The following PRDM2 variants were observed in gnomAD, a reference collection of about 807,000 sequenced individuals.
The protein encoded by PRDM2 is PR domain zinc finger protein 2.
In PRDM2, 30 loss-of-function variants were observed where a neutral mutation model predicts 130.0. That is an observed-to-expected ratio of 0.23 (90% confidence interval 0.17 to 0.31). The LOEUF (loss-of-function observed/expected upper bound fraction) is 0.31, where lower values mean the gene tolerates loss of function less well. Among genes scored for constraint, PRDM2 ranks in the 10% least tolerant of loss-of-function variants. PRDM2 has a pLI of 1.00. For synonymous variants in PRDM2, 871 were observed against 782.4 expected (o/e 1.11, Z -1.89); for missense variants, 2,011 against 2,108.4 (o/e 0.95, Z 0.90).
chr1:13,772,552 T>G (rs1342653273), intron 6 of PRDM2, among the ~76,000 whole-genome samples: 2 of 152,228 alleles, frequency 1.3e-5, no homozygotes, highest in African/African-American at 4.8e-5. Flanking sequence ...CATTTGGTAT[T>G]TGAGCCATTG....
At chr1:13,799,006 G>T (rs187883360) in intron 8 of PRDM2, among the ~76,000 whole-genome samples, 1 of 152,298 alleles carries the variant, frequency 6.6e-6, no homozygotes, top group East Asian at 1.9e-4. Flanking sequence ...ACCGTGGTGA[G>T]TCAGAGCTGC....
At position 13,782,715 on chromosome 1, in the gene PRDM2, A is replaced by G. The variant is rs1464792146; in HGVS notation, c.4920A>G (p.Lys1640=). Residue 1640 remains lysine, a synonymous_variant, in exon 8 of 10, where the codon AAA becomes AAG. Transcript: ENST00000311066. ...SKKRTDRFNI[K]SRERSGGPVT... ...AAAGAACAGACCGGTTCAATATAAA[A>G]TCTAGAGAGCGGAGTGGGGGGCCAG... 1.9e-6 allele frequency: 3 copies of G among 1,613,938 alleles called. No homozygotes were observed. Among genetic ancestry groups the G allele is most frequent in the Admixed American group, 3.3e-5 (2 of 60,000 alleles).
At chr1:13,778,331 GAAAT>G in intron 7 of PRDM2, 83 bp from the exon 8 acceptor site, 9 of 1,347,658 alleles carry the variant, frequency 6.7e-6, no homozygotes, top group Non-Finnish European at 9.2e-6. Flanking sequence ...GGTGGTAAGA[GAAAT>G]AACTTGAATC....
rs1320664453 is a variant in PRDM2, at chr1:13,787,992, G to C, written c.5036+5161G>C. 4 of 985,144 alleles carry C rather than the reference G, an allele frequency of 4.1e-6. No individual in the cohort carries two copies. In the South Asian group the frequency reaches 1.9e-4, roughly 46 times the overall value. The allele number at this position is 985,144 out of a possible 1,614,324, so 61.0% of individuals were successfully genotyped here. On this transcript the variant is annotated intron_variant, in intron 8 of 9. Transcript: ENST00000311066. ...CAGATGTATTAAAAAAAGATTTGTTGTGCTATTGCTGCAAACACTTAATAA... is the reference window on the plus strand; with the variant it reads ...CAGATGTATTAAAAAAAGATTTGTTCTGCTATTGCTGCAAACACTTAATAA...
At chr1:13,772,721 T>C (rs1644385721) in intron 6 of PRDM2, among the ~76,000 whole-genome samples, 1 of 152,248 alleles carries the variant, frequency 6.6e-6, no homozygotes, top group South Asian at 2.1e-4. Flanking sequence ...ATTAGCTGTG[T>C]GGCATTGAAA....
intron 6 of PRDM2, among the ~76,000 whole-genome samples, chr1:13,757,122 A>T (rs1643975439): frequency 6.6e-6 from 1 of 152,246 alleles, no homozygotes; most frequent in Non-Finnish European, 1.5e-5. Context: ...TGATTAAGTG[A>T]AGTGTTTGGT....
intron 6 of PRDM2, among the ~76,000 whole-genome samples, chr1:13,758,354 C>T (rs1644011419): frequency 6.7e-6 from 1 of 148,570 alleles, no homozygotes; most frequent in South Asian, 2.1e-4. Flanking sequence ...GGCTGAGGCA[C>T]AAGAATCGCT....
intron 8 of PRDM2, among the ~76,000 whole-genome samples, chr1:13,796,571 C>T (rs1339241163): frequency 1.3e-5 from 2 of 152,040 alleles, no homozygotes; most frequent in Non-Finnish European, 2.9e-5. Flanking sequence ...GCCTGGGCAA[C>T]ATAGTGAGAC....
At chr1:13,819,918 G>A (rs1432768727) in intron 9 of PRDM2, among the ~76,000 whole-genome samples, 1 of 152,206 alleles carries the variant, frequency 6.6e-6, no homozygotes, top group East Asian at 1.9e-4. Flanking sequence ...TCACAGGGAG[G>A]GGTTAGGGCT....
chr1:13,764,122 T>A (rs950371211), intron 6 of PRDM2, among the ~76,000 whole-genome samples: 4 of 152,348 alleles, frequency 2.6e-5, no homozygotes, highest in Admixed American at 2.6e-4. Flanking sequence ...CATGATTTTC[T>A]TCTTAGCTGA....
chr1:13,796,402 G>A (rs1479232220), intron 8 of PRDM2, among the ~76,000 whole-genome samples: 8 of 152,190 alleles, frequency 5.3e-5, no homozygotes, highest in Non-Finnish European at 1.2e-4. Flanking sequence ...GACCTCCCTT[G>A]TAAGCAAAGT....
chr1:13,756,450 C>T (rs2100566080), intron 6 of PRDM2, among the ~76,000 whole-genome samples: 1 of 152,242 alleles, frequency 6.6e-6, no homozygotes, highest in East Asian at 1.9e-4. Flanking sequence ...CTGCCAAGTA[C>T]AGGCCTGAAG....
At chr1:13,734,706 A>G (rs1258596804) in intron 4 of PRDM2, among the ~76,000 whole-genome samples, 1 of 152,184 alleles carries the variant, frequency 6.6e-6, no homozygotes, top group African/African-American at 2.4e-5. Flanking sequence ...CAAATCTTTG[A>G]TAAGAATCCT....
rs1037853887 is a variant in PRDM2, at chr1:13,806,752, C to T, written c.5037-9675C>T. Among the ~76,000 whole-genome samples, 1 of 152,178 alleles carries T rather than the reference C, an allele frequency of 6.6e-6. No individual in the cohort carries two copies. The highest frequency in any genetic ancestry group is 2.4e-5 in the African/African-American group (1 of 41,436). On this transcript the variant is annotated intron_variant, in intron 8 of 9. Coordinates refer to ENST00000311066, the MANE Select transcript of PRDM2 (RefSeq NM_001393986.1). This position sits in a 1 kb window ranked among gnomAD's most constrained non-coding sequence, Gnocchi z 4.1. ...GTCAACCCACGGTCTGTGCCCAGCACAGCAGCCACTTTGGGTCATGATATT... is the reference window on the plus strand; with the variant it reads ...GTCAACCCACGGTCTGTGCCCAGCATAGCAGCCACTTTGGGTCATGATATT...
At chr1:13,787,420 AAATTAAT>A in intron 8 of PRDM2, 1 of 985,078 alleles carries the variant, frequency 1.0e-6, no homozygotes, top group Non-Finnish European at 1.2e-6. Context: ...GCCTCCCCCT[AAATTAAT>A]GACTGAGTTG....
rs569085063 is a variant in PRDM2 at position 13,804,409 on chromosome 1, C to T, written c.5037-12018C>T. Among the ~76,000 whole-genome samples the T allele has an allele frequency of 1.2e-4, 18 of 152,304 alleles. No homozygotes were observed. In the South Asian group the frequency reaches 1.9e-3, roughly 16 times the overall value. On this transcript the variant is annotated intron_variant, in intron 8 of 9. Transcript: ENST00000311066. ...AGCAGCTCCTCTCCAGGCTTCAGAA[C>T]GGGCCCCTGCTGGCCACTGCAGCCT...
At chr1:13,777,501 C>T (rs563570158) in intron 7 of PRDM2, among the ~76,000 whole-genome samples, 4 of 149,798 alleles carry the variant, frequency 2.7e-5, no homozygotes, top group African/African-American at 9.9e-5. Context: ...GTCTTACCTC[C>T]TGCCCTCACT....
Position 13,782,445 on chromosome 1 carries a change from C to T in PRDM2, c.4650C>T (p.Ser1550=). Residue 1550 remains serine (S), a synonymous_variant, in exon 8 of 10, where the codon TCC becomes TCT. Coordinates refer to ENST00000311066, the MANE Select transcript of PRDM2 (RefSeq NM_001393986.1). The stretch of plus-strand genomic sequence containing the variant: ...CCCAAGTCCCACTTCCCTCCTCATC[C>T]TTCAGGTCCAAGCAGAACGTCAAGT... The part of the protein sequence containing the change: ...GPTQVPLPSS[S]FRSKQNVKFA... 1 of 1,614,074 alleles carries T rather than the reference C, an allele frequency of 6.2e-7. No homozygotes were observed. Among genetic ancestry groups the T allele is most frequent in the Non-Finnish European group, 8.5e-7 (1 of 1,180,032 alleles).
At chr1:13,755,556 C>G (rs1165660193) in intron 6 of PRDM2, among the ~76,000 whole-genome samples, 1 of 152,080 alleles carries the variant, frequency 6.6e-6, no homozygotes, top group Admixed American at 6.5e-5. Context: ...TTTTACAAAT[C>G]CACTTATAAT....
Sources: allele counts gnomAD v4.1 joint callset (sites outside exome capture counted in the v4.1 genomes callset), GRCh38; gene constraint gnomAD v4.1.1; non-coding constraint Gnocchi (gnomAD v3.1); transcripts MANE v1.5; gene names NCBI Gene and HGNC (gene_info 2026-07-23, HGNC 2026-07-21).